Variants in ALK observed in about 807,000 individuals in gnomAD.
ALK encodes ALK tyrosine kinase receptor.
A neutral mutation model predicts 163.1 loss-of-function variants in ALK; 74 were observed. That is an observed-to-expected ratio of 0.45 (90% CI 0.38 to 0.55). ALK has a LOEUF of 0.55. Ranked by LOEUF, ALK falls within the 20% of genes least tolerant of loss-of-function variation. The pLI is 0.00. For synonymous variants in ALK, 960 were observed against 843.2 expected (o/e 1.14, Z -2.40); for missense variants, 2,063 against 2,105.3 (o/e 0.98, Z 0.39).
intron 1 of ALK, among the ~76,000 whole-genome samples, chr2:29,868,539 G>A (rs919516053): frequency 6.6e-6 from 1 of 152,154 alleles, no homozygotes; most frequent in Non-Finnish European, 1.5e-5. Flanking sequence ...AAATAGAGTG[G>A]TCGGTCAGGA....
At chr2:29,697,492 C>T (rs1183784606) in intron 2 of ALK, among the ~76,000 whole-genome samples, 6 of 152,300 alleles carry the variant, frequency 3.9e-5, no homozygotes, top group Admixed American at 3.3e-4. Flanking sequence ...CCCTTCCTTG[C>T]TCATTGTCCA....
intron 5 of ALK, among the ~76,000 whole-genome samples, chr2:29,356,730 A>G (rs1314425555): frequency 6.6e-6 from 1 of 152,186 alleles, no homozygotes; most frequent in African/African-American, 2.4e-5. Flanking sequence ...ACTGAAAATG[A>G]CATCCAAATA....
intron 5 of ALK, among the ~76,000 whole-genome samples, chr2:29,382,718 C>G (rs1287567856): frequency 6.6e-6 from 1 of 152,168 alleles, no homozygotes; most frequent in Non-Finnish European, 1.5e-5. Flanking sequence ...CTGGCTTGCT[C>G]CCAAGCCACA....
chr2:29,757,593 TTG>T (rs35768373), intron 1 of ALK, among the ~76,000 whole-genome samples: 1,720 of 148,240 alleles, frequency 0.012, 34 homozygotes, highest in African/African-American at 0.035. Context: ...TTTTGTTTGT[TTG>T]TGTGTGTGTG....
At chr2:29,196,051 G>C (rs1250959652) in intron 28 of ALK, among the ~76,000 whole-genome samples, 1 of 152,170 alleles carries the variant, frequency 6.6e-6, no homozygotes, top group African/African-American at 2.4e-5. Flanking sequence ...AAGCATAGCT[G>C]TCGGCTGAAA....
At chr2:29,280,846 G>C (rs995495708) in intron 9 of ALK, among the ~76,000 whole-genome samples, 2 of 151,384 alleles carry the variant, frequency 1.3e-5, no homozygotes, top group Admixed American at 1.3e-4. Context: ...CTGGGACTGA[G>C]GGAAGGTTCT....
At chr2:29,568,199 C>T (rs1000295942) in intron 3 of ALK, among the ~76,000 whole-genome samples, 1 of 152,120 alleles carries the variant, frequency 6.6e-6, no homozygotes, top group African/African-American at 2.4e-5. Context: ...TGCCTGGCTG[C>T]GGAGCACTGA....
At chr2:29,402,105 G>T (rs1373642420) in intron 4 of ALK, among the ~76,000 whole-genome samples, 1 of 152,230 alleles carries the variant, frequency 6.6e-6, no homozygotes, top group African/African-American at 2.4e-5. Context: ...GACTTTGGCA[G>T]CGGGTGTTGA....
chr2:29,368,659 T>C (rs549151987), intron 5 of ALK, among the ~76,000 whole-genome samples: 3 of 152,296 alleles, frequency 2.0e-5, no homozygotes, highest in African/African-American at 7.2e-5. Context: ...AACTTCCAGG[T>C]TGGGCACAAA....
intron 5 of ALK, among the ~76,000 whole-genome samples, chr2:29,367,879 AATC>A (rs1330556211): frequency 3.3e-5 from 5 of 152,214 alleles, no homozygotes; most frequent in African/African-American, 1.2e-4. Context: ...GAATCTCTGA[AATC>A]ATCTGAAATA....
chr2:29,313,010 A>T (rs1666735060), intron 8 of ALK, among the ~76,000 whole-genome samples: 1 of 152,108 alleles, frequency 6.6e-6, no homozygotes, highest in African/African-American at 2.4e-5. Flanking sequence ...ATTACCCTGG[A>T]ATCCCTCTAG....
At chr2:29,329,308 C>T (rs1024206689) in intron 5 of ALK, among the ~76,000 whole-genome samples, 1 of 152,206 alleles carries the variant, frequency 6.6e-6, no homozygotes, top group African/African-American at 2.4e-5. Context: ...ATTCAGACAA[C>T]AGGAAGGAGA....
At chr2:29,674,407 G>A (rs1269756138) in intron 3 of ALK, among the ~76,000 whole-genome samples, 1 of 151,330 alleles carries the variant, frequency 6.6e-6, no homozygotes, top group Non-Finnish European at 1.5e-5. Context: ...TTTGTCAAAG[G>A]CCTTTTCTGC....
At chr2:29,789,015 C>CCGTGTG (rs1553362484) in intron 1 of ALK, among the ~76,000 whole-genome samples, 1 of 125,406 alleles carries the variant, frequency 8.0e-6, no homozygotes, top group Non-Finnish European at 1.7e-5. Flanking sequence ...TCCTGGTACA[C>CCGTGTG]TGTGTGTGTG....
At chr2:29,667,178 T>C (rs1370660351) in intron 3 of ALK, among the ~76,000 whole-genome samples, 1 of 152,124 alleles carries the variant, frequency 6.6e-6, no homozygotes, top group African/African-American at 2.4e-5. Context: ...ATGCATTTCC[T>C]TTCTTTTGGA....
intron 1 of ALK, among the ~76,000 whole-genome samples, chr2:29,746,145 C>A (rs900068172): frequency 1.3e-5 from 2 of 152,156 alleles, no homozygotes; most frequent in Non-Finnish European, 2.9e-5. Flanking sequence ...TTGCCCTAAG[C>A]TAACACCACT....
chr2:29,594,764 A>G (rs577249956), intron 3 of ALK, among the ~76,000 whole-genome samples: 113 of 151,990 alleles, frequency 7.4e-4, no homozygotes, highest in African/African-American at 2.7e-3. Flanking sequence ...GTTGTTAAAC[A>G]TGCCCTAGCT....
At chr2:29,641,393 G>GA (rs1418175602) in intron 3 of ALK, among the ~76,000 whole-genome samples, 3 of 152,014 alleles carry the variant, frequency 2.0e-5, no homozygotes, top group Non-Finnish European at 2.9e-5. Flanking sequence ...GCGTGATTCT[G>GA]AAAAAACAAT....
chr2:29,662,682 G>A (rs371000509), intron 3 of ALK, among the ~76,000 whole-genome samples: 2 of 151,868 alleles, frequency 1.3e-5, no homozygotes, highest in Admixed American at 1.3e-4. Context: ...GACTTCACCG[G>A]TCCTATCTTT....
Sources: allele counts gnomAD v4.1 joint callset (sites outside exome capture counted in the v4.1 genomes callset), GRCh38; gene constraint gnomAD v4.1.1; transcripts MANE v1.5; gene names NCBI Gene and HGNC (gene_info 2026-07-23, HGNC 2026-07-21).